POFUT3: variants seen among roughly 807,000 people sequenced by gnomAD.
POFUT3 encodes the protein GDP-fucose protein O-fucosyltransferase 3.
At chr8:33,405,577 T>C in the POFUT3 span, among the ~76,000 whole-genome samples, 3 of 152,222 alleles carry the variant, frequency 2.0e-5, no homozygotes, top group Non-Finnish European at 4.4e-5. Context: ...ACTCAACTTT[T>C]AACCTGACCT....
the POFUT3 span, among the ~76,000 whole-genome samples, chr8:33,395,204 G>A: frequency 7.3e-4 from 111 of 152,212 alleles, no homozygotes; most frequent in African/African-American, 2.5e-3. Context: ...CTGGACCCTC[G>A]GCCCTAAATG....
At chr8:33,398,559 T>C in the POFUT3 span, among the ~76,000 whole-genome samples, 3 of 152,200 alleles carry the variant, frequency 2.0e-5, no homozygotes, top group Non-Finnish European at 4.4e-5. Context: ...TGGAAATACA[T>C]GGTCAAGATC....
chr8:33,311,824 C>A, the POFUT3 span, among the ~76,000 whole-genome samples: 1 of 152,112 alleles, frequency 6.6e-6, no homozygotes, highest in Non-Finnish European at 1.5e-5. Context: ...AGAATCATGT[C>A]CCTCCCAAAA....
At chr8:33,400,711 T>A in the POFUT3 span, among the ~76,000 whole-genome samples, 1 of 152,220 alleles carries the variant, frequency 6.6e-6, no homozygotes, top group Non-Finnish European at 1.5e-5. Context: ...TTAAATTGGT[T>A]TAAGTATCAA....
chr8:33,422,253 G>A, the POFUT3 span, among the ~76,000 whole-genome samples: 2,520 of 150,720 alleles, frequency 0.017, 32 homozygotes, highest in South Asian at 0.055. Flanking sequence ...AACAGTTTTC[G>A]GTTTCCAGGC....
chr8:33,384,491 T>C, the POFUT3 span, among the ~76,000 whole-genome samples: 1 of 152,168 alleles, frequency 6.6e-6, no homozygotes, highest in Non-Finnish European at 1.5e-5. Flanking sequence ...TTGTCCCCCA[T>C]ACCTCTGCCT....
chr8:33,424,587 C>T, the POFUT3 span, among the ~76,000 whole-genome samples: 2 of 152,180 alleles, frequency 1.3e-5, no homozygotes, highest in Non-Finnish European at 2.9e-5. Flanking sequence ...GATGCCCGGC[C>T]ACGGACTGTG....
chr8:33,357,444 T>A, the POFUT3 span, among the ~76,000 whole-genome samples: 1 of 151,802 alleles, frequency 6.6e-6, no homozygotes, highest in African/African-American at 2.4e-5. Context: ...ACTAAAAAAA[T>A]TAATTGGTAC....
the POFUT3 span, among the ~76,000 whole-genome samples, chr8:33,359,658 C>T: frequency 6.6e-6 from 1 of 152,102 alleles, no homozygotes; most frequent in Admixed American, 6.6e-5. Flanking sequence ...CCCACCATAG[C>T]TATATTATTT....
the POFUT3 span, among the ~76,000 whole-genome samples, chr8:33,318,665 TATAA>T: frequency 1.1e-5 from 1 of 88,790 alleles, no homozygotes; most frequent in Non-Finnish European, 2.0e-5. Context: ...TTATATAATA[TATAA>T]ATATATTGTA....
the POFUT3 span, among the ~76,000 whole-genome samples, chr8:33,425,010 T>C: frequency 6.6e-6 from 1 of 152,110 alleles, no homozygotes; most frequent in Non-Finnish European, 1.5e-5. Flanking sequence ...ATAATCTTAT[T>C]AGTAAGTATA....
chr8:33,349,264 T>C, the POFUT3 span, among the ~76,000 whole-genome samples: 1 of 152,192 alleles, frequency 6.6e-6, no homozygotes, highest in Non-Finnish European at 1.5e-5. Context: ...CTCTTCTCCT[T>C]GCTTTTTTCA....
the POFUT3 span, among the ~76,000 whole-genome samples, chr8:33,313,249 GGT>G: frequency 1.3e-5 from 2 of 152,110 alleles, no homozygotes; most frequent in Non-Finnish European, 2.9e-5. Context: ...GCCAACTTCT[GGT>G]TATTACAGCA....
At chr8:33,372,645 T>C in the POFUT3 span, 3 of 1,613,958 alleles carry the variant, frequency 1.9e-6, no homozygotes, top group Non-Finnish European at 2.5e-6. Context: ...ACCAGCCACC[T>C]TAGTGCCTGG....
At chr8:33,358,190 C>T in the POFUT3 span, among the ~76,000 whole-genome samples, 1 of 152,302 alleles carries the variant, frequency 6.6e-6, no homozygotes, top group South Asian at 2.1e-4. Flanking sequence ...GAGGTCTAGG[C>T]TGCAGTGAGC....
the POFUT3 span, chr8:33,436,590 A>G: frequency 4.4e-4 from 391 of 897,552 alleles, 2 homozygotes; most frequent in African/African-American, 5.8e-3. Context: ...GCACAAAGCC[A>G]TAATTCTTAA....
At chr8:33,461,496 CA>C in the POFUT3 span, 1 of 1,612,794 alleles carries the variant, frequency 6.2e-7, no homozygotes, top group Middle Eastern at 1.7e-4. Context: ...ACCTGGTTAC[CA>C]GGTGTTCTCT....
At chr8:33,329,052 T>C in the POFUT3 span, among the ~76,000 whole-genome samples, 1 of 152,252 alleles carries the variant, frequency 6.6e-6, no homozygotes, top group Non-Finnish European at 1.5e-5. Flanking sequence ...AAATATATTT[T>C]TCCAAAGACT....
At chr8:33,441,470 T>C in the POFUT3 span, among the ~76,000 whole-genome samples, 1 of 141,640 alleles carries the variant, frequency 7.1e-6, no homozygotes. Flanking sequence ...AACCTCTGCC[T>C]CCCAGGCTCA....
Sources: allele counts gnomAD v4.1 joint callset (sites outside exome capture counted in the v4.1 genomes callset), GRCh38; gene constraint gnomAD v4.1.1; transcripts MANE v1.5; gene names NCBI Gene and HGNC (gene_info 2026-07-23, HGNC 2026-07-21).